DYNC1I1: variants seen among roughly 807,000 people sequenced by gnomAD.
DYNC1I1 encodes the protein cytoplasmic dynein 1 intermediate chain 1.
In DYNC1I1, 43 loss-of-function variants were observed where a neutral mutation model predicts 86.6. The observed-to-expected ratio is 0.50, with a 90% CI of 0.39 to 0.64. The LOEUF is 0.64. Among genes scored for constraint, DYNC1I1 ranks in the 30% least tolerant of loss-of-function variants. The pLI, the probability that DYNC1I1 is intolerant of heterozygous loss-of-function variation, is 0.00. For synonymous variants in DYNC1I1, 262 were observed against 283.7 expected (o/e 0.92, Z 0.77); for missense variants, 604 against 788.8 (o/e 0.77, Z 2.81).
chr7:96,100,160 C>G (rs1398529196), downstream of DYNC1I1, among the ~76,000 whole-genome samples: 1 of 152,170 alleles, frequency 6.6e-6, no homozygotes, highest in Admixed American at 6.5e-5. Context: ...TCTTGCCAGC[C>G]AAGACTAAGT....
At chr7:95,941,240 G>T (rs1291165059) in intron 6 of DYNC1I1, among the ~76,000 whole-genome samples, 1 of 151,938 alleles carries the variant, frequency 6.6e-6, no homozygotes, top group Admixed American at 6.6e-5. Context: ...GGCTGCTTGG[G>T]GGTCAGGGGT....
rs148527316 is a variant in DYNC1I1 at position 95,880,995 on chromosome 7, G to A, written c.490+10997G>A. ...TTTATCTTTCCCTAATTTCTCATTT[G>A]GATGCTATTTATTTAGTCCTCTTAA... On this transcript the variant is annotated intron_variant, in intron 6 of 16. Transcript: ENST00000447467. Among the ~76,000 whole-genome samples the A allele has an allele frequency of 6.3e-4, 96 of 151,992 alleles. 2 individuals are homozygous for A. The East Asian group carries it at 0.018, about 28-fold the overall frequency.
chr7:96,084,141 C>A (rs909557904), intron 16 of DYNC1I1, among the ~76,000 whole-genome samples: 1 of 151,822 alleles, frequency 6.6e-6, no homozygotes, highest in Non-Finnish European at 1.5e-5. Context: ...GAGTATAGGA[C>A]CTGTGCAATT....
chr7:96,081,913 G>T (rs915686032), intron 16 of DYNC1I1, among the ~76,000 whole-genome samples: 1 of 33,348 alleles, frequency 3.0e-5, no homozygotes, highest in Non-Finnish European at 5.7e-5. Context: ...ATAATTCTAA[G>T]TAAAAAAAAA....
chr7:96,094,171 A>G (rs1790929597), intron 16 of DYNC1I1, among the ~76,000 whole-genome samples: 1 of 152,118 alleles, frequency 6.6e-6, no homozygotes, highest in African/African-American at 2.4e-5. Context: ...CATATTCCAA[A>G]ATGATTCACT....
intron 10 of DYNC1I1, among the ~76,000 whole-genome samples, chr7:96,019,955 C>A (rs2115904013): frequency 6.6e-6 from 1 of 152,002 alleles, no homozygotes; most frequent in Middle Eastern, 3.4e-3. Context: ...TAATTCAAAT[C>A]TTCCAACAGC....
intron 6 of DYNC1I1, among the ~76,000 whole-genome samples, chr7:95,913,644 T>G (rs772398460): frequency 6.6e-4 from 100 of 152,202 alleles, no homozygotes; most frequent in Admixed American, 1.5e-3. Context: ...GTGAGTCCAT[T>G]AAACCTCTTA....
intron 3 of DYNC1I1, among the ~76,000 whole-genome samples, chr7:95,812,400 G>GA (rs971175862): frequency 2.0e-5 from 3 of 152,118 alleles, no homozygotes; most frequent in Non-Finnish European, 4.4e-5. Flanking sequence ...AAGGAAGGGG[G>GA]AAAAAATTGC....
chr7:95,848,518 A>C (rs979310215), intron 5 of DYNC1I1, among the ~76,000 whole-genome samples: 3 of 152,246 alleles, frequency 2.0e-5, no homozygotes, highest in Non-Finnish European at 1.5e-5. Flanking sequence ...ATTTCACTTA[A>C]CAAAATGCTC....
At chr7:95,956,771 C>T (rs1221381817) in intron 6 of DYNC1I1, among the ~76,000 whole-genome samples, 2 of 152,160 alleles carry the variant, frequency 1.3e-5, no homozygotes, top group Non-Finnish European at 2.9e-5. Flanking sequence ...ATTCCTTTAT[C>T]CAGTCTATCA....
chr7:96,027,832 G>C (rs1194558546), intron 10 of DYNC1I1, among the ~76,000 whole-genome samples: 1 of 152,164 alleles, frequency 6.6e-6, no homozygotes, highest in African/African-American at 2.4e-5. Context: ...TATTAGTTCT[G>C]TTGCAATTCT....
intron 11 of DYNC1I1, among the ~76,000 whole-genome samples, chr7:96,029,496 T>C (rs1195979794): frequency 2.0e-5 from 3 of 152,200 alleles, no homozygotes; most frequent in African/African-American, 7.2e-5. Flanking sequence ...AGCAGTAAGC[T>C]TTTGGGGAAA....
intron 3 of DYNC1I1, among the ~76,000 whole-genome samples, chr7:95,811,420 T>G (rs1794827773): frequency 6.6e-6 from 1 of 151,982 alleles, no homozygotes; most frequent in African/African-American, 2.4e-5. Context: ...ACTTTTATAT[T>G]AAAATAAATT....
intron 6 of DYNC1I1, among the ~76,000 whole-genome samples, chr7:95,905,024 G>A (rs1311857538): frequency 1.3e-5 from 2 of 152,168 alleles, no homozygotes; most frequent in African/African-American, 4.8e-5. Flanking sequence ...TGCATTTCCA[G>A]GTTCATTTCT....
At chr7:95,999,375 G>C (rs1469637502) in intron 10 of DYNC1I1, among the ~76,000 whole-genome samples, 1 of 152,064 alleles carries the variant, frequency 6.6e-6, no homozygotes, top group Admixed American at 6.6e-5. Flanking sequence ...CTTTGTTCTT[G>C]GCAATCTCTT....
chr7:95,777,788 C>G (rs1793883243), intron 1 of DYNC1I1, among the ~76,000 whole-genome samples: 1 of 152,118 alleles, frequency 6.6e-6, no homozygotes, highest in Admixed American at 6.5e-5. Context: ...AACAGACCTG[C>G]CTGGTAACCG....
chr7:96,026,121 C>A (rs564521923), intron 10 of DYNC1I1, among the ~76,000 whole-genome samples: 108 of 152,212 alleles, frequency 7.1e-4, no homozygotes, highest in African/African-American at 2.4e-3. Context: ...TTTTCTTTTT[C>A]TTTAATTCAG....
At chr7:96,025,673 T>C (rs897988045) in intron 10 of DYNC1I1, among the ~76,000 whole-genome samples, 2 of 152,142 alleles carry the variant, frequency 1.3e-5, no homozygotes, top group Non-Finnish European at 2.9e-5. Flanking sequence ...GTTGGATGAA[T>C]GAATGAATGA....
chr7:96,077,271 GT>G (rs1790371491), intron 15 of DYNC1I1, among the ~76,000 whole-genome samples: 1 of 151,840 alleles, frequency 6.6e-6, no homozygotes, highest in Non-Finnish European at 1.5e-5. Flanking sequence ...GTGTGTGTGT[GT>G]GTGTGGGAGG....
Sources: gnomAD v4.1 joint callset for allele counts (sites outside exome capture counted in the v4.1 genomes callset) on GRCh38, gnomAD v4.1.1 for gene constraint, MANE v1.5 for transcripts, NCBI Gene and HGNC (gene_info 2026-07-23, HGNC 2026-07-21) for gene names.